SCGB2B2: variants seen among roughly 807,000 people sequenced by gnomAD.
The protein encoded by SCGB2B2 is secretoglobin family 2B member 2.
Under a neutral mutation model 7.6 loss-of-function variants are expected in SCGB2B2, and 11 were observed. The ratio of observed to expected loss-of-function variants is 1.45; its 90% CI spans 0.91 to 2.40. SCGB2B2 has a LOEUF of 2.40. Among genes scored for constraint, SCGB2B2 ranks in the 30% most tolerant of loss-of-function variants. The probability of loss-of-function intolerance (pLI) is 0.00; values close to 1 mark genes in which losing one functional copy is unlikely to be tolerated. For synonymous variants in SCGB2B2, 50 were observed against 48.6 expected (o/e 1.03, Z -0.12); for missense variants, 104 against 115.4 (o/e 0.90, Z 0.45).
chr19:34,635,198 G>A (rs924935121), intron 1 of SCGB2B2: 18 of 288,704 alleles, frequency 6.2e-5, no homozygotes, highest in Non-Finnish European at 7.8e-5. Flanking sequence ...GCTCCACTGG[G>A]AACTCTCGGG....
intron 1 of SCGB2B2, chr19:34,632,960 C>T (rs1367302733): frequency 6.6e-6 from 1 of 152,420 alleles, no homozygotes; most frequent in Non-Finnish European, 1.5e-5. Context: ...CACCCCAGGA[C>T]CAAGTACCAG....
intron 1 of SCGB2B2, among the ~76,000 whole-genome samples, chr19:34,650,044 C>T (rs2067124192): frequency 6.6e-6 from 1 of 151,192 alleles, no homozygotes; most frequent in Admixed American, 6.6e-5. Flanking sequence ...GCGTAAATGC[C>T]CTATGTGTCT....
At chr19:34,636,311 G>A (rs141471382) in intron 1 of SCGB2B2, among the ~76,000 whole-genome samples, 6 of 152,184 alleles carry the variant, frequency 3.9e-5, no homozygotes, top group South Asian at 2.1e-4. Context: ...AGGTGACAAA[G>A]AGTCTACTGT....
intron 1 of SCGB2B2, among the ~76,000 whole-genome samples, chr19:34,617,319 A>G (rs2066111827): frequency 6.6e-6 from 1 of 151,476 alleles, no homozygotes; most frequent in African/African-American, 2.4e-5. Flanking sequence ...ACCCATGAGC[A>G]TGGAATGTTC....
At chr19:34,616,259 G>A (rs927315564) in intron 1 of SCGB2B2, among the ~76,000 whole-genome samples, 7 of 149,088 alleles carry the variant, frequency 4.7e-5, no homozygotes, top group Non-Finnish European at 7.5e-5. Flanking sequence ...CTGAGGAATG[G>A]CCACACTGAC....
At chr19:34,667,234 C>A (rs1360572145) in intron 1 of SCGB2B2, among the ~76,000 whole-genome samples, 2 of 152,096 alleles carry the variant, frequency 1.3e-5, no homozygotes, top group Admixed American at 6.5e-5. Context: ...GCTGGGTCTC[C>A]GCCCTCTGAT....
chr19:34,656,020 T>C lies in SCGB2B2; in HGVS notation c.-2032+19610A>G, dbSNP rs887131041. 3.3e-5 allele frequency among the ~76,000 whole-genome samples: 5 copies of C among 151,228 alleles called. 1 individual carries two copies. Among genetic ancestry groups the C allele is most frequent in the African/African-American group, 1.2e-4 (5 of 40,526 alleles). ...TGTTGGAATAAATATACATCACCTC[T>C]ACATCCCCCAATTCATAATGAGCTG... On this transcript the variant is annotated intron_variant, in intron 1 of 3. Transcript: ENST00000601241.
At chr19:34,617,047 C>G (rs2066103753) in intron 1 of SCGB2B2, among the ~76,000 whole-genome samples, 1 of 152,134 alleles carries the variant, frequency 6.6e-6, no homozygotes, top group African/African-American at 2.4e-5. Context: ...TGATCTATAT[C>G]TCTGTTTTGG....
chr19:34,635,983 C>A (rs1477099672), intron 1 of SCGB2B2, among the ~76,000 whole-genome samples: 1 of 152,212 alleles, frequency 6.6e-6, no homozygotes, highest in African/African-American at 2.4e-5. Context: ...TTCCCTGATG[C>A]TCAGCCAAGA....
chr19:34,643,003 T>G (rs2066889484), intron 1 of SCGB2B2, among the ~76,000 whole-genome samples: 1 of 152,168 alleles, frequency 6.6e-6, no homozygotes, highest in African/African-American at 2.4e-5. Context: ...AGTATGGACA[T>G]TTCTCAGAAA....
At chr19:34,609,673 T>C (rs1202721820) in intron 1 of SCGB2B2, among the ~76,000 whole-genome samples, 1 of 152,202 alleles carries the variant, frequency 6.6e-6, no homozygotes, top group Non-Finnish European at 1.5e-5. Context: ...GTTCCATTGG[T>C]CTATGTGTCT....
chr19:34,663,025 T>A (rs2146149575), intron 1 of SCGB2B2, among the ~76,000 whole-genome samples: 1 of 151,840 alleles, frequency 6.6e-6, no homozygotes, highest in South Asian at 2.1e-4. Context: ...CTGATAAACA[T>A]ATGAAGAGGC....
At chr19:34,649,751 G>A (rs929563670) in intron 1 of SCGB2B2, among the ~76,000 whole-genome samples, 1 of 151,532 alleles carries the variant, frequency 6.6e-6, no homozygotes, top group Admixed American at 6.6e-5. Flanking sequence ...CTACTCGGGA[G>A]GCTGAAGCAG....
Position 34,606,511 on chromosome 19 carries a change from CT to C in SCGB2B2, c.-2031-9918del, listed in dbSNP as rs774587331. ...GGGGTAGGAAACAGGTTTTTCTTTT[CT>C]TTTTCTTTTTTTTTTTGCTGGTGAG... On this transcript the variant is annotated intron_variant, in intron 1 of 3. Coordinates refer to ENST00000601241, the MANE Select transcript of SCGB2B2 (RefSeq NM_001025591.4). Among the ~76,000 whole-genome samples, 77 of 92,618 alleles carry C rather than the reference CT, an allele frequency of 8.3e-4. 1 individual carries two copies. The South Asian group carries it at 9.9e-3, about 12-fold the overall frequency. 60.8% of individuals were successfully genotyped at this position (92,618 alleles called of 152,430 possible). A position where few individuals can be genotyped will look rare whatever the true frequency, so the allele number is the denominator to read the frequency against.
rs546574142 is a variant in SCGB2B2, at chr19:34,626,524, TAAATG to T, written c.-2031-29935_-2031-29931del. Among the ~76,000 whole-genome samples, 44 of 152,060 alleles carry T rather than the reference TAAATG, an allele frequency of 2.9e-4. No homozygotes were observed. The East Asian group carries it at 6.2e-3, about 21-fold the overall frequency. ...AGGGTATCAGTGACAGAAGATCAAA[TAAATG>T]AAATGAAATGAGAAGAGAAGTTTAG... On this transcript the variant is annotated intron_variant, in intron 1 of 3. Transcript: ENST00000601241.
rs373825364 is a variant in SCGB2B2, at chr19:34,662,959, C to A, written c.-2032+12671G>T. Among the ~76,000 whole-genome samples, 657 of 147,700 alleles carry A rather than the reference C, an allele frequency of 4.4e-3. 3 individuals are homozygous for A. Among genetic ancestry groups the A allele is most frequent in the African/African-American group, 0.014 (539 of 38,178 alleles). On this transcript the variant is annotated intron_variant, in intron 1 of 3. Transcript: ENST00000601241. ...AAAAACAAACAAACAAACAAACAAA[C>A]AAAAAAAAACAATAAAAGTGCGGAA...
intron 1 of SCGB2B2, among the ~76,000 whole-genome samples, chr19:34,650,150 G>A (rs1287973527): frequency 1.3e-5 from 2 of 151,390 alleles, no homozygotes; most frequent in South Asian, 2.1e-4. Context: ...GGAGCAAGAG[G>A]TGGAGCGTCT....
intron 1 of SCGB2B2, among the ~76,000 whole-genome samples, chr19:34,640,177 C>T (rs548983815): frequency 6.6e-6 from 1 of 152,346 alleles, no homozygotes; most frequent in East Asian, 1.9e-4. Flanking sequence ...GTGGGGCTCA[C>T]TGCAGCCTCG....
In SCGB2B2 at chr19:34,663,878, G is replaced by T. The variant is rs1247535545; in HGVS notation, c.-2032+11752C>A. On this transcript the variant is annotated intron_variant, in intron 1 of 3. Transcript: ENST00000601241. ...AGGGAGGAAGAGACAGGAGAGGACT[G>T]GGGGGAAGAGACAATGGGGAGAAGG... is the stretch of plus-strand genomic sequence containing the variant. 3.9e-5 allele frequency among the ~76,000 whole-genome samples: 6 copies of T among 152,110 alleles called. No homozygotes were observed. The East Asian group carries it at 7.7e-4, about 20-fold the overall frequency.
Sources: allele counts gnomAD v4.1 joint callset (sites outside exome capture counted in the v4.1 genomes callset), GRCh38; gene constraint gnomAD v4.1.1; transcripts MANE v1.5; gene names NCBI Gene and HGNC (gene_info 2026-07-23, HGNC 2026-07-21).